The following NRG3 variants were observed in gnomAD, a reference collection of about 807,000 sequenced individuals.
NRG3 encodes the protein neuregulin 3, also known as pro-neuregulin-3, membrane-bound isoform.
A neutral mutation model predicts 66.9 loss-of-function variants in NRG3; 31 were observed. That is an observed-to-expected ratio of 0.46 (90% CI 0.35 to 0.63). The LOEUF is 0.63. NRG3 is among the 20% of genes least tolerant of loss of function. The pLI, the probability that NRG3 is intolerant of heterozygous loss-of-function variation, is 0.00. For missense variants in NRG3, 910 were observed against 878.9 expected, an observed-to-expected ratio of 1.04 and a Z score of -0.45; for synonymous variants, 393 against 359.4, an observed-to-expected ratio of 1.09 and a Z score of -1.06.
chr10:82,046,328 CA>C (rs2063294357), intron 1 of NRG3, among the ~76,000 whole-genome samples: 1 of 43,162 alleles, frequency 2.3e-5, no homozygotes, highest in African/African-American at 4.3e-5. Context: ...CTCTTTGAAG[CA>C]ATTGTGAATG....
intron 2 of NRG3, among the ~76,000 whole-genome samples, chr10:82,437,245 T>TCGA (rs2090188096): frequency 6.6e-6 from 1 of 151,958 alleles, no homozygotes; most frequent in Non-Finnish European, 1.5e-5. Flanking sequence ...TTTCCATTCT[T>TCGA]TTTTCTCTAT....
chr10:82,358,099 T>A (rs549710146), intron 1 of NRG3, among the ~76,000 whole-genome samples: 2 of 152,320 alleles, frequency 1.3e-5, no homozygotes, highest in Admixed American at 6.5e-5. Flanking sequence ...TAATTATGAT[T>A]TTAAGAATGC....
At chr10:82,103,022 A>G (rs1206083496) in intron 1 of NRG3, among the ~76,000 whole-genome samples, 5 of 152,208 alleles carry the variant, frequency 3.3e-5, no homozygotes, top group South Asian at 2.1e-4. Context: ...CTTTCAGAAC[A>G]TATTTATTCT....
intron 5 of NRG3, among the ~76,000 whole-genome samples, chr10:82,957,757 C>T (rs1003409557): frequency 4.0e-5 from 6 of 149,940 alleles, no homozygotes; most frequent in Non-Finnish European, 8.8e-5. Context: ...GTGTACCTAA[C>T]GTTTCCTGTC....
At chr10:82,822,618 G>A (rs189151735) in intron 3 of NRG3, among the ~76,000 whole-genome samples, 1 of 152,184 alleles carries the variant, frequency 6.6e-6, no homozygotes, top group Admixed American at 6.5e-5. Context: ...GAAATGGGAG[G>A]CACACACTCT....
intron 1 of NRG3, among the ~76,000 whole-genome samples, chr10:81,989,705 T>C (rs1417968274): frequency 6.6e-6 from 1 of 152,116 alleles, no homozygotes; most frequent in African/African-American, 2.4e-5. Flanking sequence ...GGCAAAACTC[T>C]CAGTAGGAAG....
chr10:82,954,548 A>T lies in NRG3; in HGVS notation c.1157+2977A>T, dbSNP rs184972078. Among the ~76,000 whole-genome samples the T allele has an allele frequency of 3.6e-3, 548 of 152,034 alleles. 3 individuals are homozygous for T. Among genetic ancestry groups the T allele is most frequent in the Non-Finnish European group, 5.4e-3 (370 of 68,026 alleles). On this transcript the variant is annotated intron_variant, in intron 5 of 8. Coordinates refer to ENST00000372141, the MANE Select transcript of NRG3 (RefSeq NM_001010848.4). Reference sequence around the variant, plus strand: ...ACCAGCCTGGGACACAGTTTTATTTAAAAAATGAATCAATTAATAACTAAA... The same window carrying T: ...ACCAGCCTGGGACACAGTTTTATTTTAAAAATGAATCAATTAATAACTAAA...
chr10:82,778,567 A>ACCTC (rs761420816), intron 3 of NRG3, among the ~76,000 whole-genome samples: 4 of 152,052 alleles, frequency 2.6e-5, no homozygotes, highest in Non-Finnish European at 5.9e-5. Flanking sequence ...CGATCCAATT[A>ACCTC]CCTCCACCTT....
intron 1 of NRG3, among the ~76,000 whole-genome samples, chr10:82,272,465 A>G (rs1175722111): frequency 6.6e-6 from 1 of 152,050 alleles, no homozygotes; most frequent in East Asian, 1.9e-4. Context: ...AGAAAAATAA[A>G]TTTGATTTTC....
intron 2 of NRG3, among the ~76,000 whole-genome samples, chr10:82,689,307 A>T (rs1165705092): frequency 1.3e-5 from 2 of 152,214 alleles, no homozygotes; most frequent in Admixed American, 6.5e-5. Flanking sequence ...ATGTATTTTC[A>T]TAAAAATGAC....
At chr10:81,877,080 T>C (rs985951733) in intron 1 of NRG3, among the ~76,000 whole-genome samples, 2 of 152,220 alleles carry the variant, frequency 1.3e-5, no homozygotes, top group Non-Finnish European at 2.9e-5. Context: ...TTTGGAAACA[T>C]GTCACCGTTA....
intron 1 of NRG3, among the ~76,000 whole-genome samples, chr10:81,944,394 A>C (rs73306528): frequency 0.071 from 10,791 of 152,308 alleles, 465 homozygotes; most frequent in African/African-American, 0.11. Context: ...CAGTGTCTCA[A>C]GAAATATGTC....
At chr10:82,421,770 C>A (rs2089095284) in intron 2 of NRG3, among the ~76,000 whole-genome samples, 1 of 152,018 alleles carries the variant, frequency 6.6e-6, no homozygotes, top group South Asian at 2.1e-4. Flanking sequence ...AGTTCAGTTC[C>A]TGAGTAGCTG....
At chr10:82,530,804 AG>A (rs1847174827) in intron 2 of NRG3, among the ~76,000 whole-genome samples, 1 of 151,888 alleles carries the variant, frequency 6.6e-6, no homozygotes, top group South Asian at 2.1e-4. Context: ...ATTAAAAAAA[AG>A]TTTTTCCTGG....
chr10:82,841,369 G>C (rs181445034), intron 3 of NRG3, among the ~76,000 whole-genome samples: 3 of 152,134 alleles, frequency 2.0e-5, no homozygotes, highest in Non-Finnish European at 4.4e-5. Flanking sequence ...ACCAAAATGC[G>C]TATCAGCGTT....
intron 4 of NRG3, among the ~76,000 whole-genome samples, chr10:82,949,169 G>A (rs1849292141): frequency 6.6e-6 from 1 of 151,924 alleles, no homozygotes; most frequent in African/African-American, 2.4e-5. Flanking sequence ...ATGTAAAAAT[G>A]GTGAATCACA....
At chr10:82,848,426 G>A (rs997950742) in intron 3 of NRG3, among the ~76,000 whole-genome samples, 8 of 152,132 alleles carry the variant, frequency 5.3e-5, no homozygotes, top group Non-Finnish European at 1.2e-4. Context: ...ATTTGGAATG[G>A]GTGTATTTAC....
chr10:82,192,997 GT>G (rs2074245288), intron 1 of NRG3, among the ~76,000 whole-genome samples: 1 of 122,914 alleles, frequency 8.1e-6, no homozygotes, highest in East Asian at 2.1e-4. Flanking sequence ...GAGAGAGAGA[GT>G]TTGTGAGGTG....
intron 1 of NRG3, among the ~76,000 whole-genome samples, chr10:81,970,380 C>T (rs531353874): frequency 1.3e-5 from 2 of 152,252 alleles, no homozygotes; most frequent in South Asian, 4.1e-4. Flanking sequence ...ATTGCAACAA[C>T]AAGACCTATG....
Sources: gnomAD v4.1 joint callset for allele counts (sites outside exome capture counted in the v4.1 genomes callset) on GRCh38, gnomAD v4.1.1 for gene constraint, MANE v1.5 for transcripts, NCBI Gene and HGNC (gene_info 2026-07-23, HGNC 2026-07-21) for gene names.